Variants in TRIM9 observed in about 807,000 individuals in gnomAD.
The protein encoded by TRIM9 is tripartite motif containing 9, also known as E3 ubiquitin-protein ligase TRIM9.
In TRIM9, 26 loss-of-function variants were observed where a neutral mutation model predicts 78.3. That is an observed-to-expected ratio of 0.33 (90% CI 0.24 to 0.46). TRIM9 has a LOEUF of 0.46. TRIM9 is among the 20% of genes least tolerant of loss of function. The probability of loss-of-function intolerance (pLI) is 1.00; values close to 1 mark genes in which losing one functional copy is unlikely to be tolerated. For missense variants in TRIM9, 787 were observed against 1,036.4 expected, an observed-to-expected ratio of 0.76 and a Z score of 3.30; for synonymous variants, 398 against 416.5, an observed-to-expected ratio of 0.96 and a Z score of 0.54.
chr14:51,073,761 A>G (rs1185723753), intron 1 of TRIM9, among the ~76,000 whole-genome samples: 1 of 152,246 alleles, frequency 6.6e-6, no homozygotes, highest in Admixed American at 6.5e-5. Context: ...ATTCATTGAA[A>G]TGTACATTCA....
intron 1 of TRIM9, among the ~76,000 whole-genome samples, chr14:51,060,536 G>A (rs1347328983): frequency 6.6e-6 from 1 of 151,800 alleles, no homozygotes; most frequent in Non-Finnish European, 1.5e-5. Flanking sequence ...GCACGATCTC[G>A]GCTGACTGCA....
chr14:51,075,155 G>A (rs573332174), intron 1 of TRIM9, among the ~76,000 whole-genome samples: 1 of 152,160 alleles, frequency 6.6e-6, no homozygotes, highest in East Asian at 1.9e-4. Context: ...GTGCAGAGGA[G>A]TTAAGTGGGT....
intron 6 of TRIM9, among the ~76,000 whole-genome samples, chr14:50,999,467 A>G (rs992618670): frequency 6.6e-6 from 1 of 152,220 alleles, no homozygotes; most frequent in Non-Finnish European, 1.5e-5. Context: ...ATGCCAATAA[A>G]TCAACATATA....
intron 1 of TRIM9, among the ~76,000 whole-genome samples, chr14:51,072,130 T>C (rs1485234294): frequency 2.6e-5 from 4 of 152,244 alleles, no homozygotes; most frequent in South Asian, 2.1e-4. Flanking sequence ...CAGGGAAATC[T>C]GCCAGAGCCT....
intron 11 of TRIM9, among the ~76,000 whole-genome samples, chr14:50,980,260 T>C (rs770733107): frequency 7.2e-5 from 11 of 152,206 alleles, no homozygotes; most frequent in Non-Finnish European, 1.2e-4. Flanking sequence ...GTAGTGATTT[T>C]AAAGAACCTG....
At chr14:51,033,732 C>A (rs2058923076) in intron 1 of TRIM9, among the ~76,000 whole-genome samples, 1 of 152,270 alleles carries the variant, frequency 6.6e-6, no homozygotes, top group Admixed American at 6.5e-5. Context: ...TCTCAAAAAA[C>A]AGAAACCAAA....
At chr14:50,982,395 T>C in intron 10 of TRIM9, 2 of 461,086 alleles carry the variant, frequency 4.3e-6, no homozygotes, top group Non-Finnish European at 8.0e-6. Context: ...TGCAAGTCCC[T>C]TCACCTGGTG....
intron 1 of TRIM9, among the ~76,000 whole-genome samples, chr14:51,025,689 A>G (rs2058153342): frequency 6.6e-6 from 1 of 152,254 alleles, no homozygotes; most frequent in Admixed American, 6.5e-5. Flanking sequence ...CTAAAAAAGC[A>G]AAACAAAATA....
chr14:50,979,011 C>G lies in TRIM9; in HGVS notation c.2325+376G>C, dbSNP rs1360682529. On this transcript the variant is annotated intron_variant, in intron 12 of 12. Transcript: ENST00000684578. ...TGATACTAATGCTTCAGTCTTACAC[C>G]CTCACCTCTTCTCAGGCACTCCTGA... 2.4e-6 allele frequency: 3 copies of G among 1,238,004 alleles called. No individual in the cohort carries two copies. In the African/African-American group the frequency reaches 4.5e-5, roughly 19 times the overall value. The allele number at this position is 1,238,004 out of a possible 1,614,324, so 76.7% of individuals were successfully genotyped here. A position where few individuals can be genotyped will look rare whatever the true frequency, so the allele number is the denominator to read the frequency against.
chr14:50,976,038 C>T lies in TRIM9; in HGVS notation c.*1253G>A, dbSNP rs1403520200. On this transcript the variant is annotated 3_prime_UTR_variant, in exon 13 of 13. Transcript: ENST00000684578. Reference sequence around the variant, plus strand: ...ATATATGGAGACAAGCATGTTTATCCTGAGAATGTGAATGCTGTGGACTGC... The same window carrying T: ...ATATATGGAGACAAGCATGTTTATCTTGAGAATGTGAATGCTGTGGACTGC... 2 of 152,528 alleles carry T rather than the reference C, an allele frequency of 1.3e-5. No individual in the cohort carries two copies. Among genetic ancestry groups the T allele is most frequent in the Non-Finnish European group, 2.9e-5 (2 of 68,018 alleles). 9.4% of individuals were successfully genotyped at this position (152,528 alleles called of 1,614,324 possible).
intron 1 of TRIM9, among the ~76,000 whole-genome samples, chr14:51,042,425 T>C (rs56312729): frequency 0.2 from 29,841 of 152,190 alleles, 3,304 homozygotes; most frequent in Non-Finnish European, 0.25. Context: ...CTCCTTTCAG[T>C]GAAATTCACT....
At chr14:51,012,049 C>T (rs2056643422) in intron 3 of TRIM9, among the ~76,000 whole-genome samples, 1 of 152,156 alleles carries the variant, frequency 6.6e-6, no homozygotes, top group Middle Eastern at 3.4e-3. Context: ...TTTTTTTGTT[C>T]TTAATGTGTT....
intron 3 of TRIM9, among the ~76,000 whole-genome samples, chr14:51,013,425 T>C (rs898566575): frequency 3.9e-5 from 6 of 152,218 alleles, no homozygotes; most frequent in African/African-American, 1.2e-4. Flanking sequence ...TTTTGATTAT[T>C]GTCGCTTTAT....
rs529330625 is a variant in TRIM9 at position 51,059,482 on chromosome 14, A to G, written c.823-34122T>C. 2.6e-5 allele frequency among the ~76,000 whole-genome samples: 4 copies of G among 151,932 alleles called. No homozygotes were observed. The South Asian group carries it at 8.3e-4, about 32-fold the overall frequency. ...TGGGAGCACAATGAAGAGAATGAAAAAACAAAACAAAACAAAACAAAACAA... is the reference window on the plus strand; with the variant it reads ...TGGGAGCACAATGAAGAGAATGAAAGAACAAAACAAAACAAAACAAAACAA... On this transcript the variant is annotated intron_variant, in intron 1 of 12. Transcript: ENST00000684578.
chr14:50,986,066 G>C lies in TRIM9; in HGVS notation c.1682C>G (p.Ser561Cys). The change falls in exon 8 of 13, where the codon TCC becomes TGC. Residue 561 changes from serine to cysteine, a missense_variant. Physicochemically the swap from Ser to Cys is moderately radical, Grantham distance 112. This residue lies in a region of TRIM9 where 421 missense variants were observed against 514.3 expected (regional missense o/e 0.82). Coordinates refer to ENST00000684578, the MANE Select transcript of TRIM9 (RefSeq NM_001387360.1). ...RLPLRRMSPF[S>C]STLNLQPSFP... ...GCTGGGTTGTAGATTAAGGGTGGAG[G>C]AGAAAGGACTCATTCTACGGAGCGG... The C allele has an allele frequency of 6.5e-7, 1 of 1,549,882 alleles. No individual in the cohort carries two copies. Among genetic ancestry groups the C allele is most frequent in the Non-Finnish European group, 8.7e-7 (1 of 1,146,570 alleles).
At chr14:51,014,222 T>C (rs2056899274) in intron 3 of TRIM9, among the ~76,000 whole-genome samples, 1 of 152,204 alleles carries the variant, frequency 6.6e-6, no homozygotes, top group Non-Finnish European at 1.5e-5. Flanking sequence ...AATTTCCTTA[T>C]CAAGCATGGT....
intron 10 of TRIM9, chr14:50,982,377 T>C: frequency 2.0e-6 from 1 of 503,660 alleles, no homozygotes; most frequent in East Asian, 3.6e-5. Flanking sequence ...GGCATCGATT[T>C]TGGAAGGTGC....
intron 5 of TRIM9, among the ~76,000 whole-genome samples, chr14:51,001,732 T>C (rs1241586454): frequency 6.6e-6 from 1 of 151,610 alleles, no homozygotes; most frequent in East Asian, 1.9e-4. Flanking sequence ...TGGATCCAAG[T>C]GAGATCACAG....
Position 51,000,764 on chromosome 14 carries a change from G to A in TRIM9, c.1383C>T (p.Ser461=), listed in dbSNP as rs779597108. 6.2e-7 allele frequency: 1 copy of A among 1,614,240 alleles called. No homozygotes were observed. Among genetic ancestry groups the A allele is most frequent in the South Asian group, 1.1e-5 (1 of 91,082 alleles). Residue 461 remains serine (S), a synonymous_variant, in exon 6 of 13, where the codon TCC becomes TCT. Transcript: ENST00000684578. The stretch of plus-strand genomic sequence containing the variant: ...CCGTGGACAGAGGTGGCTGTTTCCA[G>A]GACAACGTAGCGCTGTTGTTGTGGG... ...CCTHNNSATL[S]WKQPPLSTVP...
Sources: allele counts gnomAD v4.1 joint callset (sites outside exome capture counted in the v4.1 genomes callset), GRCh38; gene constraint gnomAD v4.1.1; regional missense constraint gnomAD v4.1.1; transcripts MANE v1.5; gene names NCBI Gene and HGNC (gene_info 2026-07-23, HGNC 2026-07-21).